The following CTTN variants were observed in gnomAD, a reference collection of about 807,000 sequenced individuals.
The protein encoded by CTTN is cortactin.
In CTTN, 28 loss-of-function variants were observed where a neutral mutation model predicts 84.0. That is an observed-to-expected ratio of 0.33 (90% CI 0.25 to 0.46). The LOEUF (loss-of-function observed/expected upper bound fraction) is 0.46. Among genes scored for constraint, CTTN ranks in the 20% least tolerant of loss-of-function variants. The probability of loss-of-function intolerance (pLI) is 1.00; values close to 1 mark genes in which losing one functional copy is unlikely to be tolerated. For missense variants in CTTN, 641 were observed against 723.8 expected, an observed-to-expected ratio of 0.89 and a Z score of 1.31; for synonymous variants, 301 against 288.8, an observed-to-expected ratio of 1.04 and a Z score of -0.43.
Position 70,417,645 on chromosome 11 carries a change from G to A in CTTN, c.568+522G>A, listed in dbSNP as rs1018126166. On this transcript the variant is annotated intron_variant, in intron 8 of 17. Coordinates refer to ENST00000301843, the MANE Select transcript of CTTN (RefSeq NM_005231.4). ...CGGCTAGCCGGGATTACAAGCACAC[G>A]CCACCACGCCCAGCTAATTTTTGTA... Among the ~76,000 whole-genome samples, 4 of 152,010 alleles carry A rather than the reference G, an allele frequency of 2.6e-5. No homozygotes were observed. The East Asian group carries it at 7.7e-4, about 29-fold the overall frequency.
chr11:70,401,726 C>G (rs2057985251), intron 1 of CTTN, among the ~76,000 whole-genome samples: 1 of 151,092 alleles, frequency 6.6e-6, no homozygotes, highest in South Asian at 2.1e-4. Context: ...CCTAGCTACT[C>G]GGGAGGCTGA....
intron 11 of CTTN, chr11:70,422,517 C>T (rs1302260445): frequency 7.7e-7 from 1 of 1,291,012 alleles, no homozygotes; most frequent in Admixed American, 2.3e-5. Flanking sequence ...AGCAAGAGAA[C>T]AAACTGCGAT....
chr11:70,419,717 T>G, intron 8 of CTTN, 29 bp from the exon 9 acceptor site: 1 of 1,573,790 alleles, frequency 6.4e-7, no homozygotes, highest in Non-Finnish European at 8.7e-7. Flanking sequence ...TTGCTCCTTT[T>G]AAAGTAGTCC....
intron 14 of CTTN, among the ~76,000 whole-genome samples, chr11:70,429,558 C>G (rs936206464): frequency 1.3e-5 from 2 of 152,152 alleles, no homozygotes; most frequent in Non-Finnish European, 2.9e-5. Context: ...TCTCACCCCT[C>G]CCCCTCTGGA....
chr11:70,419,691 A>G (rs1591441836), intron 8 of CTTN, 55 bp from the exon 9 acceptor site: 1 of 1,422,778 alleles, frequency 7.0e-7, no homozygotes, highest in Non-Finnish European at 9.8e-7. Flanking sequence ...AAATACTTGC[A>G]TGTTCACTGA....
intron 12 of CTTN, among the ~76,000 whole-genome samples, chr11:70,423,654 C>T (rs770007170): frequency 1.4e-4 from 21 of 151,990 alleles, no homozygotes; most frequent in Non-Finnish European, 2.1e-4. Flanking sequence ...CACGGAGGGG[C>T]GAGGTGTGGG....
At chr11:70,429,015 T>C (rs1229310564) in intron 13 of CTTN, 36 bp from the exon 14 acceptor site, 2 of 1,611,416 alleles carry the variant, frequency 1.2e-6, no homozygotes, top group East Asian at 2.2e-5. Flanking sequence ...GTTTTTGCTG[T>C]GCTCAAGGCA....
At chr11:70,422,710 A>G in intron 11 of CTTN, 1 of 1,442,024 alleles carries the variant, frequency 6.9e-7, no homozygotes, top group Non-Finnish European at 9.2e-7. Context: ...CCCTCAGGGA[A>G]TGCTGAAGCC....
intron 4 of CTTN, 128 bp downstream of exon 4, chr11:70,407,719 C>T: frequency 2.8e-6 from 2 of 719,510 alleles, no homozygotes; most frequent in Non-Finnish European, 4.6e-6. Context: ...TGACCTGATA[C>T]CCATGCAGTA....
intron 15 of CTTN, among the ~76,000 whole-genome samples, chr11:70,432,627 G>C (rs145301747): frequency 6.6e-6 from 1 of 152,392 alleles, no homozygotes; most frequent in East Asian, 1.9e-4. Context: ...TGCCCTGTCT[G>C]TAGGCTCAGC....
chr11:70,429,739 G>A lies in CTTN; in HGVS notation c.1176+540G>A, dbSNP rs556449463. 1.1e-4 allele frequency among the ~76,000 whole-genome samples: 16 copies of A among 152,326 alleles called. No individual in the cohort carries two copies. In the East Asian group the frequency reaches 2.9e-3, roughly 28 times the overall value. ...TGCCAGAAGTGCACCCCTGGCAGGG[G>A]CGGAGCACGAGCCTGTGTCTGGGTG... On this transcript the variant is annotated intron_variant, in intron 14 of 17. Coordinates refer to ENST00000301843, the MANE Select transcript of CTTN (RefSeq NM_005231.4).
In CTTN at chr11:70,435,157, C is replaced by T; in HGVS notation, c.1648C>T (p.Gln550Ter). 6.2e-7 allele frequency: 1 copy of T among 1,607,676 alleles called. No homozygotes were observed. Residue 550 changes from glutamine (Q) to a stop codon, truncating the protein, a stop_gained, in exon 18 of 18, where the codon CAG (glutamine) becomes TAG (stop). Coordinates refer to ENST00000301843, the MANE Select transcript of CTTN (RefSeq NM_005231.4). LOFTEE classifies it high-confidence loss of function. ...CCCAGCCAACTATGTGGAGCTGCGG[C>T]AGTAGGGCCCCCAGCCCCCCCCCGG... ...LFPANYVELR[Q>*]
intron 13 of CTTN, among the ~76,000 whole-genome samples, chr11:70,427,792 C>T (rs892301933): frequency 1.3e-5 from 2 of 152,248 alleles, no homozygotes; most frequent in African/African-American, 4.8e-5. Context: ...ATCACATTTG[C>T]TGTCATCATC....
intron 8 of CTTN, among the ~76,000 whole-genome samples, 162 bp downstream of exon 8, chr11:70,417,285 A>G (rs532284508): frequency 6.6e-5 from 10 of 152,348 alleles, no homozygotes; most frequent in Non-Finnish European, 1.3e-4. Flanking sequence ...GAATGGCTGC[A>G]CAGTTCCCCA....
rs577412054 is a variant in CTTN, at chr11:70,429,409, C to T, written c.1176+210C>T. Reference sequence around the variant, plus strand: ...CTCTGGCCACAATGCTCCAGGCAGCCGGCTAGCGCTATCCTGGTCTTGCCG... The same window carrying T: ...CTCTGGCCACAATGCTCCAGGCAGCTGGCTAGCGCTATCCTGGTCTTGCCG... On this transcript the variant is annotated intron_variant, in intron 14 of 17. Coordinates refer to ENST00000301843, the MANE Select transcript of CTTN (RefSeq NM_005231.4). Among the ~76,000 whole-genome samples the T allele has an allele frequency of 3.3e-4, 50 of 152,302 alleles. No individual in the cohort carries two copies. In the East Asian group the frequency reaches 8.1e-3, roughly 25 times the overall value.
chr11:70,435,146 T>A lies in CTTN; in HGVS notation c.1637T>A (p.Val546Glu). The A allele has an allele frequency of 6.2e-7, 1 of 1,611,012 alleles. No individual in the cohort carries two copies. The highest frequency in any genetic ancestry group is 8.5e-7 in the Non-Finnish European group (1 of 1,179,072). ...GRYGLFPANY[V>E]ELRQ Reference sequence around the variant, plus strand: ...TACGGGCTCTTCCCAGCCAACTATGTGGAGCTGCGGCAGTAGGGCCCCCAG... The same window carrying A: ...TACGGGCTCTTCCCAGCCAACTATGAGGAGCTGCGGCAGTAGGGCCCCCAG... The change falls in exon 18 of 18, where the codon GTG becomes GAG. Residue 546 changes from valine to glutamate, a missense_variant. Val to Glu is a moderately radical substitution (Grantham distance 121). Transcript: ENST00000301843.
intron 6 of CTTN, among the ~76,000 whole-genome samples, chr11:70,415,375 C>T (rs1053351139): frequency 7.9e-5 from 12 of 152,168 alleles, no homozygotes; most frequent in African/African-American, 1.2e-4. Flanking sequence ...TTGTGAAGCC[C>T]GTGGAATGAA....
Position 70,414,614 on chromosome 11 carries a change from G to A in CTTN, c.364G>A (p.Gly122Arg), listed in dbSNP as rs2058136546. The A allele has an allele frequency of 6.2e-7, 1 of 1,614,136 alleles. No individual in the cohort carries two copies. ...GCAGGTGGACTCGGTCCGTGGCTTC[G>A]GAGGCAAGTTTGGTGTCCAGATGGA... is the stretch of plus-strand genomic sequence containing the variant. Reference protein sequence around the residue: ...CSQVDSVRGFGGKFGVQMDRV... With the variant: ...CSQVDSVRGFRGKFGVQMDRV... Residue 122 changes from glycine (G) to arginine (R), a missense_variant, in exon 6 of 18, where the codon GGA (glycine) becomes AGA (arginine). Gly to Arg is a moderately radical substitution (Grantham distance 125, BLOSUM62 -2). Transcript: ENST00000301843.
chr11:70,427,150 G>C (rs572773435), intron 13 of CTTN, among the ~76,000 whole-genome samples: 1 of 151,868 alleles, frequency 6.6e-6, no homozygotes, highest in African/African-American at 2.4e-5. Context: ...AGGAGTTTGA[G>C]ACCAGACTGG....
Sources: gnomAD v4.1 joint callset for allele counts (sites outside exome capture counted in the v4.1 genomes callset) on GRCh38, gnomAD v4.1.1 for gene constraint, MANE v1.5 for transcripts, NCBI Gene and HGNC (gene_info 2026-07-23, HGNC 2026-07-21) for gene names.